The following DGKI variants were observed in gnomAD, a reference collection of about 807,000 sequenced individuals.
The protein encoded by DGKI is DAG kinase iota.
Under a neutral mutation model 147.5 loss-of-function variants are expected in DGKI, and 55 were observed. That is an observed-to-expected ratio of 0.37 (90% CI 0.30 to 0.47). The LOEUF (loss-of-function observed/expected upper bound fraction) is 0.47, where lower values mean the gene tolerates loss of function less well. Among genes scored for constraint, DGKI ranks in the 20% least tolerant of loss-of-function variants. The probability of loss-of-function intolerance (pLI) is 1.00; values close to 1 mark genes in which losing one functional copy is unlikely to be tolerated. For synonymous variants in DGKI, 469 were observed against 477.1 expected, an observed-to-expected ratio of 0.98 and a Z score of 0.22; for missense variants, 1,007 against 1,323.8, an observed-to-expected ratio of 0.76 and a Z score of 3.71.
In DGKI at chr7:137,424,419, G is replaced by A. The variant is rs189993464; in HGVS notation, c.2762-12212C>T. Among the ~76,000 whole-genome samples, 29 of 152,262 alleles carry A rather than the reference G, an allele frequency of 1.9e-4. No individual in the cohort carries two copies. In the South Asian group the frequency reaches 2.3e-3, roughly 12 times the overall value. On this transcript the variant is annotated intron_variant, in intron 28 of 32. Coordinates refer to ENST00000614521, the MANE Select transcript of DGKI (RefSeq NM_001321708.2). ...AGAGAGGGGTCGAGCCAAGGTGGCC[G>A]AATATGAACAGCTCCGGTCTACAGC...
intron 1 of DGKI, among the ~76,000 whole-genome samples, chr7:137,705,928 C>T (rs1054999827): frequency 1.1e-4 from 17 of 151,836 alleles, no homozygotes; most frequent in Non-Finnish European, 2.1e-4. Context: ...CACTTAAAAG[C>T]ATCTTTATTT....
intron 6 of DGKI, among the ~76,000 whole-genome samples, chr7:137,631,498 GA>G (rs1563121441): frequency 6.6e-6 from 1 of 152,084 alleles, no homozygotes; most frequent in Non-Finnish European, 1.5e-5. Context: ...TGCTAAGAGT[GA>G]AAAAAACTAC....
rs201795857 is a variant in DGKI at position 137,547,647 on chromosome 7, GT to G, written c.2147+4721del. ...CATGTGTGAGTCGCTGATGCAAGAT[GT>G]GACTGTCTCAGGAGCTATGACAGAC... On this transcript the variant is annotated intron_variant, in intron 20 of 32. Transcript: ENST00000614521. Among the ~76,000 whole-genome samples, 944 of 152,314 alleles carry G rather than the reference GT, an allele frequency of 6.2e-3. 7 individuals carry two copies. The highest frequency in any genetic ancestry group is 0.021 in the African/African-American group (886 of 41,566).
chr7:137,550,322 C>T (rs887867276), intron 20 of DGKI, among the ~76,000 whole-genome samples: 1 of 151,974 alleles, frequency 6.6e-6, no homozygotes, highest in African/African-American at 2.4e-5. Context: ...ATTACAGGCG[C>T]ATGCCACCAC....
chr7:137,618,127 C>CCATATATATATATATATATATATATATA (rs1416867213), intron 8 of DGKI, among the ~76,000 whole-genome samples: 1 of 16,194 alleles, frequency 6.2e-5, no homozygotes, highest in Non-Finnish European at 3.1e-4. Flanking sequence ...TTCTAAAATA[C>CCATATATATATATATATATATATATATA]TATATATATA....
intron 1 of DGKI, among the ~76,000 whole-genome samples, chr7:137,814,281 A>C (rs926178833): frequency 1.3e-5 from 2 of 152,212 alleles, no homozygotes; most frequent in Admixed American, 6.5e-5. Flanking sequence ...GGAATGGAAC[A>C]CCGTCATGTG....
At chr7:137,769,018 G>GA (rs3842146) in intron 1 of DGKI, among the ~76,000 whole-genome samples, 1 of 151,900 alleles carries the variant, frequency 6.6e-6, no homozygotes, top group African/African-American at 2.4e-5. Flanking sequence ...GAAGAAGTCA[G>GA]AAAAAAAAGT....
At chr7:137,815,732 C>T (rs1252000369) in intron 1 of DGKI, among the ~76,000 whole-genome samples, 2 of 152,134 alleles carry the variant, frequency 1.3e-5, no homozygotes, top group African/African-American at 2.4e-5. Context: ...TCACTTAATA[C>T]ATTGAAAATA....
At chr7:137,787,829 C>T (rs1274868438) in intron 1 of DGKI, among the ~76,000 whole-genome samples, 8 of 151,988 alleles carry the variant, frequency 5.3e-5, no homozygotes, top group Admixed American at 3.9e-4. Context: ...AAACTGGACA[C>T]TATTATGCTA....
intron 25 of DGKI, 27 bp downstream of exon 25, chr7:137,466,875 T>C: frequency 6.2e-7 from 1 of 1,613,464 alleles, no homozygotes; most frequent in Non-Finnish European, 8.5e-7. Flanking sequence ...TTTTTCACTT[T>C]CACAAGCAGG....
intron 10 of DGKI, among the ~76,000 whole-genome samples, chr7:137,607,511 A>G (rs1376276356): frequency 6.6e-6 from 1 of 152,230 alleles, no homozygotes; most frequent in Admixed American, 6.5e-5. Context: ...AAAGAAATAG[A>G]TAACTTACTA....
At chr7:137,704,738 A>G (rs1793957049) in intron 1 of DGKI, among the ~76,000 whole-genome samples, 1 of 152,228 alleles carries the variant, frequency 6.6e-6, no homozygotes, top group Non-Finnish European at 1.5e-5. Context: ...TGTCAAAAGT[A>G]AAAGATAAAG....
chr7:137,620,553 CAA>C (rs1187433113), intron 7 of DGKI, among the ~76,000 whole-genome samples: 2 of 151,930 alleles, frequency 1.3e-5, no homozygotes, highest in East Asian at 3.9e-4. Flanking sequence ...TAACAAAGTA[CAA>C]AGAGATTGCT....
chr7:137,533,369 C>G lies in DGKI; in HGVS notation c.2148-11403G>C, dbSNP rs138881215. Among the ~76,000 whole-genome samples the G allele has an allele frequency of 3.1e-3, 466 of 152,002 alleles. 5 individuals are homozygous for G. Among genetic ancestry groups the G allele is most frequent in the African/African-American group, 0.011 (447 of 41,490 alleles). On this transcript the variant is annotated intron_variant, in intron 20 of 32. Coordinates refer to ENST00000614521, the MANE Select transcript of DGKI (RefSeq NM_001321708.2). ...CACAAAATAGTTAGATATTTTGATG[C>G]TACAAATACTAAAAAGAAAACAATG...
At chr7:137,738,635 TAC>T (rs1479920304) in intron 1 of DGKI, among the ~76,000 whole-genome samples, 1 of 152,094 alleles carries the variant, frequency 6.6e-6, no homozygotes, top group East Asian at 1.9e-4. Flanking sequence ...CTTCCTCTTG[TAC>T]AGTTTTGGGC....
chr7:137,476,136 A>G (rs186450151), intron 23 of DGKI, among the ~76,000 whole-genome samples: 53 of 152,230 alleles, frequency 3.5e-4, no homozygotes, highest in Middle Eastern at 3.4e-3. Flanking sequence ...GCCAGCTGTC[A>G]CGATGTCAAG....
At chr7:137,519,513 T>C (rs538322080) in intron 21 of DGKI, among the ~76,000 whole-genome samples, 1 of 152,232 alleles carries the variant, frequency 6.6e-6, no homozygotes, top group South Asian at 2.1e-4. Context: ...ATTCACTCTC[T>C]TTGTTCTGGG....
At chr7:137,841,023 C>T (rs1458053651) in intron 1 of DGKI, among the ~76,000 whole-genome samples, 1 of 152,234 alleles carries the variant, frequency 6.6e-6, no homozygotes, top group Non-Finnish European at 1.5e-5. Context: ...ACTATTATCT[C>T]ATTTTAGAAA....
chr7:137,568,021 T>A (rs1818650569), intron 19 of DGKI, among the ~76,000 whole-genome samples: 1 of 152,282 alleles, frequency 6.6e-6, no homozygotes. Flanking sequence ...GGGAGTTTGT[T>A]GTATTATTTT....
Sources: allele counts gnomAD v4.1 joint callset (sites outside exome capture counted in the v4.1 genomes callset), GRCh38; gene constraint gnomAD v4.1.1; transcripts MANE v1.5; gene names NCBI Gene and HGNC (gene_info 2026-07-23, HGNC 2026-07-21).